Variants in FSIP1 observed in about 807,000 individuals in gnomAD.
The protein encoded by FSIP1 is fibrous sheath-interacting protein 1.
Under a neutral mutation model 60.9 loss-of-function variants are expected in FSIP1, and 65 were observed. That is an observed-to-expected ratio of 1.07 (90% CI 0.87 to 1.31). The LOEUF is 1.31. FSIP1 is among the 40% of genes most tolerant of loss of function. FSIP1 has a pLI of 0.00. For synonymous variants in FSIP1, 209 were observed against 221.2 expected (o/e 0.94, Z 0.49); for missense variants, 675 against 665.5 (o/e 1.01, Z -0.16).
At chr15:39,646,520 CAA>C (rs71132108) in intron 10 of FSIP1, among the ~76,000 whole-genome samples, 2 of 27,088 alleles carry the variant, frequency 7.4e-5, no homozygotes, top group African/African-American at 1.9e-4. Context: ...CTCATCTCTA[CAA>C]AAAAAAAAAA....
chr15:39,656,066 G>A (rs1279943926), intron 10 of FSIP1, among the ~76,000 whole-genome samples: 1 of 152,136 alleles, frequency 6.6e-6, no homozygotes, highest in Non-Finnish European at 1.5e-5. Context: ...GAAAACATCT[G>A]TACACAGAGA....
intron 5 of FSIP1, among the ~76,000 whole-genome samples, chr15:39,755,893 A>C (rs1897285898): frequency 6.6e-6 from 1 of 152,182 alleles, no homozygotes; most frequent in Non-Finnish European, 1.5e-5. Context: ...TGTCTCAAAG[A>C]ATATTGAATT....
At chr15:39,667,792 T>C (rs2140463110) in intron 10 of FSIP1, among the ~76,000 whole-genome samples, 3 of 152,154 alleles carry the variant, frequency 2.0e-5, no homozygotes. Flanking sequence ...CATTCCAAAA[T>C]TAGAAATCAA....
At chr15:39,702,589 G>A (rs1895104962) in intron 10 of FSIP1, among the ~76,000 whole-genome samples, 1 of 148,770 alleles carries the variant, frequency 6.7e-6, no homozygotes, top group Non-Finnish European at 1.5e-5. Flanking sequence ...ACTACCCTGG[G>A]TCAACATCCA....
intron 10 of FSIP1, among the ~76,000 whole-genome samples, chr15:39,654,845 A>G (rs1595578223): frequency 6.6e-6 from 1 of 152,224 alleles, no homozygotes; most frequent in South Asian, 2.1e-4. Flanking sequence ...CAACTGGTCT[A>G]TCTTCTGATC....
At chr15:39,758,247 G>C (rs552229349) in intron 5 of FSIP1, among the ~76,000 whole-genome samples, 46 of 152,194 alleles carry the variant, frequency 3.0e-4, no homozygotes, top group African/African-American at 1.1e-3. Flanking sequence ...GAAAACAAAT[G>C]TCTTGCCTTC....
intron 10 of FSIP1, among the ~76,000 whole-genome samples, chr15:39,646,643 C>A (rs4526992): frequency 0.19 from 27,631 of 149,204 alleles, 3,074 homozygotes; most frequent in East Asian, 0.32. Context: ...TTACAGTGAG[C>A]TATGATTGCA....
chr15:39,645,970 C>T (rs900335402), intron 10 of FSIP1, among the ~76,000 whole-genome samples: 3 of 152,204 alleles, frequency 2.0e-5, no homozygotes, highest in Non-Finnish European at 4.4e-5. Flanking sequence ...GTCCTGTGGA[C>T]GGGAGAGGAG....
chr15:39,724,920 T>C (rs1896129833), intron 9 of FSIP1, among the ~76,000 whole-genome samples: 1 of 151,004 alleles, frequency 6.6e-6, no homozygotes, highest in South Asian at 2.1e-4. Context: ...ATAAATAAAC[T>C]AGCCTAACTC....
chr15:39,682,692 G>A (rs1019014506), intron 10 of FSIP1, among the ~76,000 whole-genome samples: 1 of 152,074 alleles, frequency 6.6e-6, no homozygotes, highest in Non-Finnish European at 1.5e-5. Context: ...ATTACTTTCT[G>A]GTTTGTTTCC....
At position 39,711,508 on chromosome 15, in the gene FSIP1, C is replaced by T. The variant is rs573550603; in HGVS notation, c.1188+1936G>A. Among the ~76,000 whole-genome samples, 570 of 152,150 alleles carry T rather than the reference C, an allele frequency of 3.7e-3. 8 individuals carry two copies. Among genetic ancestry groups the T allele is most frequent in the Middle Eastern group, 0.034 (10 of 294 alleles). On this transcript the variant is annotated intron_variant, in intron 10 of 11. Coordinates refer to ENST00000350221, the MANE Select transcript of FSIP1 (RefSeq NM_152597.5). The stretch of plus-strand genomic sequence containing the variant: ...AGAATGGATCATGGGGAGTGACAGG[C>T]TTAGCCCGCCTTGGATTGGCAGATA...
chr15:39,695,449 T>C (rs895308722), intron 10 of FSIP1, among the ~76,000 whole-genome samples: 1 of 152,034 alleles, frequency 6.6e-6, no homozygotes, highest in African/African-American at 2.4e-5. Context: ...TCAAAGCCTT[T>C]AAATTATTGT....
At chr15:39,622,008 T>C (rs1465169355) in intron 10 of FSIP1, among the ~76,000 whole-genome samples, 1 of 152,210 alleles carries the variant, frequency 6.6e-6, no homozygotes, top group Non-Finnish European at 1.5e-5. Context: ...AATACTGAAC[T>C]GAACTAAACT....
intron 4 of FSIP1, among the ~76,000 whole-genome samples, chr15:39,764,958 C>T (rs1897630132): frequency 6.6e-6 from 1 of 152,186 alleles, no homozygotes; most frequent in South Asian, 2.1e-4. Flanking sequence ...CCTTCCTATT[C>T]CAGAGATGGA....
At chr15:39,746,999 GCTTCCCTC>G (rs34636012) in intron 5 of FSIP1, among the ~76,000 whole-genome samples, 15,543 of 134,420 alleles carry the variant, frequency 0.12, 1,034 homozygotes, top group African/African-American at 0.21. Context: ...TCCTGTTTGG[GCTTCCCTC>G]CTTCCCTCCT....
In FSIP1 at chr15:39,771,961, C is replaced by T. The variant is rs79213816; in HGVS notation, c.127-1351G>A. On this transcript the variant is annotated intron_variant, in intron 2 of 11. Transcript: ENST00000350221. ...AAGCAACTTAGCAGACCTTCCTCTG[C>T]GGCTGGGTTTCACATGGGGGAATAA... Among the ~76,000 whole-genome samples the T allele has an allele frequency of 6.8e-3, 1,040 of 152,274 alleles. 13 individuals carry two copies. The highest frequency in any genetic ancestry group is 9.2e-3 in the Non-Finnish European group (627 of 68,024).
At chr15:39,644,389 A>G (rs1266712940) in intron 10 of FSIP1, among the ~76,000 whole-genome samples, 1 of 152,176 alleles carries the variant, frequency 6.6e-6, no homozygotes, top group East Asian at 1.9e-4. Flanking sequence ...TCCCGGGGAC[A>G]GGTCACCCCA....
chr15:39,705,855 G>A (rs1054454456), intron 10 of FSIP1, among the ~76,000 whole-genome samples: 10 of 151,894 alleles, frequency 6.6e-5, no homozygotes, highest in African/African-American at 1.7e-4. Context: ...AAACTTAGCC[G>A]GGTGTGCTGG....
intron 5 of FSIP1, among the ~76,000 whole-genome samples, chr15:39,750,992 A>C (rs1012438303): frequency 2.0e-5 from 3 of 151,956 alleles, no homozygotes; most frequent in African/African-American, 4.8e-5. Context: ...TTTTTCAAAG[A>C]AAACATAAAA....
Sources: allele counts gnomAD v4.1 joint callset (sites outside exome capture counted in the v4.1 genomes callset), GRCh38; gene constraint gnomAD v4.1.1; transcripts MANE v1.5; gene names NCBI Gene and HGNC (gene_info 2026-07-23, HGNC 2026-07-21).